The following NTM variants were observed in gnomAD, a reference collection of about 807,000 sequenced individuals.
NTM encodes the protein IgLON family member 2.
A neutral mutation model predicts 42.1 loss-of-function variants in NTM; 13 were observed. The ratio of observed to expected loss-of-function variants is 0.31; its 90% CI spans 0.20 to 0.49. The LOEUF (loss-of-function observed/expected upper bound fraction) is 0.49. Ranked by LOEUF, NTM falls within the 20% of genes least tolerant of loss-of-function variation. The pLI is 0.99. For missense variants in NTM, 373 were observed against 452.8 expected (o/e 0.82, Z 1.60); for synonymous variants, 187 against 179.2 (o/e 1.04, Z -0.35).
intron 1 of NTM, among the ~76,000 whole-genome samples, chr11:131,563,936 T>C (rs1294731558): frequency 2.0e-5 from 3 of 152,182 alleles, no homozygotes; most frequent in Non-Finnish European, 4.4e-5. Flanking sequence ...CAAGTGCTTA[T>C]GTGGCTGCGT....
intron 3 of NTM, among the ~76,000 whole-genome samples, chr11:132,209,078 C>T (rs988461411): frequency 6.6e-6 from 1 of 152,026 alleles, no homozygotes; most frequent in Non-Finnish European, 1.5e-5. Context: ...TGGGAATGCT[C>T]TAGTTAAAAC....
intron 1 of NTM, among the ~76,000 whole-genome samples, chr11:131,798,813 T>C (rs575123536): frequency 3.9e-5 from 6 of 152,220 alleles, no homozygotes; most frequent in African/African-American, 9.6e-5. Flanking sequence ...TAACCCTCTG[T>C]ACTGGCACCT....
chr11:132,249,436 C>G (rs1386174562), intron 4 of NTM, among the ~76,000 whole-genome samples: 2 of 152,176 alleles, frequency 1.3e-5, no homozygotes, highest in African/African-American at 4.8e-5. Flanking sequence ...GCTGAGGAGG[C>G]CACCCACCTG....
intron 4 of NTM, among the ~76,000 whole-genome samples, chr11:132,237,240 C>T (rs893567555): frequency 1.3e-5 from 2 of 152,212 alleles, no homozygotes; most frequent in African/African-American, 2.4e-5. Context: ...TTGCTCCTCA[C>T]GTCACCTTCT....
intron 1 of NTM, among the ~76,000 whole-genome samples, chr11:131,653,686 G>T (rs1466530254): frequency 2.0e-5 from 3 of 152,184 alleles, no homozygotes; most frequent in Non-Finnish European, 4.4e-5. Flanking sequence ...GCACCCCTGC[G>T]TGTGGGGTCC....
chr11:131,955,507 G>A (rs1457553536), intron 2 of NTM, among the ~76,000 whole-genome samples: 1 of 152,172 alleles, frequency 6.6e-6, no homozygotes, highest in Non-Finnish European at 1.5e-5. Flanking sequence ...AGGGGAAAAT[G>A]TAGATGGCCA....
intron 4 of NTM, among the ~76,000 whole-genome samples, chr11:132,224,863 G>C (rs955641738): frequency 6.6e-6 from 1 of 152,216 alleles, no homozygotes; most frequent in Admixed American, 6.5e-5. Context: ...AAGACGACCA[G>C]GTTTCTGGTT....
chr11:131,755,887 T>TGCTATAATCAGGGA (rs2083265396), intron 1 of NTM, among the ~76,000 whole-genome samples: 1 of 152,212 alleles, frequency 6.6e-6, no homozygotes, highest in Non-Finnish European at 1.5e-5. Context: ...AACTCAAAAT[T>TGCTATAATCAGGGA]TTATTCGAGG....
intron 1 of NTM, among the ~76,000 whole-genome samples, chr11:131,531,188 T>C (rs180692669): frequency 8.7e-4 from 132 of 152,328 alleles, no homozygotes; most frequent in African/African-American, 3.1e-3. Flanking sequence ...CAAGGCTAGA[T>C]GCAATGGTGT....
At chr11:131,565,054 C>T (rs318945) in intron 1 of NTM, among the ~76,000 whole-genome samples, 90,113 of 152,132 alleles carry the variant, frequency 0.59, 26,928 homozygotes, top group South Asian at 0.69. Flanking sequence ...ATCGCAGATG[C>T]TTGCGGTACC....
intron 3 of NTM, among the ~76,000 whole-genome samples, chr11:132,195,071 C>T (rs1053790971): frequency 9.2e-5 from 14 of 151,908 alleles, no homozygotes; most frequent in Non-Finnish European, 1.5e-4. Flanking sequence ...GATCTGTCTG[C>T]CTCGGCCTCC....
intron 1 of NTM, among the ~76,000 whole-genome samples, chr11:131,508,222 A>G (rs557275292): frequency 6.9e-6 from 1 of 145,896 alleles, no homozygotes; most frequent in South Asian, 2.2e-4. Flanking sequence ...AAAGTGGGCG[A>G]AGGACATGAA....
In NTM at chr11:131,967,513, C is replaced by T. The variant is rs1204879511; in HGVS notation, c.167+55865C>T. On this transcript the variant is annotated intron_variant, in intron 2 of 8. Transcript: ENST00000683400. ...AACAGGAGGCTGGTGCACCGAGCCA[C>T]ATGAAGGTGGGATGAGGACCAAGCC... Among the ~76,000 whole-genome samples, 6 of 152,164 alleles carry T rather than the reference C, an allele frequency of 3.9e-5. No individual in the cohort carries two copies. In the South Asian group the frequency reaches 1.0e-3, roughly 26 times the overall value.
chr11:132,101,556 T>TGTGTGTG (rs1555261897), intron 2 of NTM, among the ~76,000 whole-genome samples: 2,484 of 131,106 alleles, frequency 0.019, 50 homozygotes, highest in African/African-American at 0.048. Context: ...GAACACAACC[T>TGTGTGTG]TGTGTGTGTG....
At chr11:131,468,275 G>T (rs1043823790) in intron 1 of NTM, among the ~76,000 whole-genome samples, 1 of 152,222 alleles carries the variant, frequency 6.6e-6, no homozygotes, top group Non-Finnish European at 1.5e-5. Flanking sequence ...TGTGTAATGG[G>T]TTGATTGACA....
chr11:131,712,457 T>A (rs184551518), intron 1 of NTM, among the ~76,000 whole-genome samples: 9 of 152,284 alleles, frequency 5.9e-5, no homozygotes, highest in African/African-American at 2.2e-4. Context: ...GTAATCATCA[T>A]ATGTATACAC....
intron 4 of NTM, among the ~76,000 whole-genome samples, chr11:132,302,394 T>C (rs1056059174): frequency 2.0e-5 from 3 of 152,196 alleles, no homozygotes; most frequent in Non-Finnish European, 2.9e-5. Flanking sequence ...AGAAAATCTT[T>C]TCTGTTAGAA....
At chr11:132,034,595 G>A (rs1358259516) in intron 2 of NTM, among the ~76,000 whole-genome samples, 1 of 152,194 alleles carries the variant, frequency 6.6e-6, no homozygotes, top group East Asian at 1.9e-4. Context: ...TGGCTGGATG[G>A]TAACTCTGTC....
intron 1 of NTM, among the ~76,000 whole-genome samples, chr11:131,610,607 G>T (rs968982761): frequency 6.6e-6 from 1 of 152,182 alleles, no homozygotes; most frequent in Admixed American, 6.5e-5. Context: ...ATGATAACCT[G>T]ACTTAGGGTT....
Sources: allele counts gnomAD v4.1 joint callset (sites outside exome capture counted in the v4.1 genomes callset), GRCh38; gene constraint gnomAD v4.1.1; transcripts MANE v1.5; gene names NCBI Gene and HGNC (gene_info 2026-07-23, HGNC 2026-07-21).